The following RGS22 variants were observed in gnomAD, a reference collection of about 807,000 sequenced individuals.
RGS22 encodes regulator of G protein signaling 22.
RGS22 carries 148 observed loss-of-function variants against 172.9 expected under a neutral mutation model. The observed-to-expected ratio is 0.86, with a 90% confidence interval of 0.75 to 0.98. RGS22 has a LOEUF of 0.98. Among genes scored for constraint, RGS22 ranks in the 50% least tolerant of loss-of-function variants. The pLI is 0.00. For synonymous variants in RGS22, 458 were observed against 480.2 expected (o/e 0.95, Z 0.60); for missense variants, 1,347 against 1,440.8 (o/e 0.93, Z 1.05).
chr8:99,997,264 G>T (rs1814495857), intron 19 of RGS22, among the ~76,000 whole-genome samples: 2 of 152,064 alleles, frequency 1.3e-5, no homozygotes, highest in Non-Finnish European at 2.9e-5. Context: ...TATTTTGCTG[G>T]CCACCTAAAG....
chr8:100,004,288 T>G, intron 16 of RGS22, 190 bp from the exon 17 acceptor site: 2 of 309,866 alleles, frequency 6.5e-6, no homozygotes, highest in Non-Finnish European at 9.4e-6. Flanking sequence ...AATTCTGTTC[T>G]GTTTATTTTC....
Position 99,996,338 on chromosome 8 carries a change from C to T in RGS22, c.3018+124G>A, listed in dbSNP as rs567577900. ...TCATCAATTAAAAACAGTATCAGTG[C>T]TCAGTTGTCAGTTTAGAAAACAGTG... On this transcript the variant is annotated intron_variant, in intron 20 of 27. Coordinates refer to ENST00000360863, the MANE Select transcript of RGS22 (RefSeq NM_015668.5). 2.1e-4 allele frequency: 151 copies of T among 723,522 alleles called. No individual in the cohort carries two copies. The African/African-American group carries it at 2.3e-3, about 11-fold the overall frequency. 44.8% of individuals were successfully genotyped at this position (723,522 alleles called of 1,614,324 possible). A position where few individuals can be genotyped will look rare whatever the true frequency, so the allele number is the denominator to read the frequency against.
chr8:100,010,551 A>G (rs898498474), intron 14 of RGS22, among the ~76,000 whole-genome samples: 1 of 152,246 alleles, frequency 6.6e-6, no homozygotes. Context: ...CTCCCCCAAC[A>G]ATCACAATTT....
chr8:100,035,796 A>G (rs540950395), intron 14 of RGS22, among the ~76,000 whole-genome samples: 58 of 152,362 alleles, frequency 3.8e-4, no homozygotes, highest in Non-Finnish European at 5.3e-4. Flanking sequence ...GGATGAGTTC[A>G]TGTCCTTTGC....
intron 6 of RGS22, among the ~76,000 whole-genome samples, chr8:100,069,315 A>G (rs2131831222): frequency 6.6e-6 from 1 of 152,304 alleles, no homozygotes; most frequent in East Asian, 1.9e-4. Context: ...ATTGATTAAC[A>G]ATATCTGTCA....
intron 2 of RGS22, among the ~76,000 whole-genome samples, chr8:100,095,386 G>A (rs1309020642): frequency 6.6e-6 from 1 of 152,028 alleles, no homozygotes; most frequent in Non-Finnish European, 1.5e-5. Flanking sequence ...GTTTCACCAT[G>A]TTGCCCAGGC....
At chr8:100,038,904 A>G in intron 14 of RGS22, 27 bp downstream of exon 14, 1 of 1,454,752 alleles carries the variant, frequency 6.9e-7, no homozygotes. Flanking sequence ...AGTGCTTCAC[A>G]TTGAACCAAT....
At chr8:100,045,575 TA>T in intron 11 of RGS22, among the ~76,000 whole-genome samples, 1 of 151,968 alleles carries the variant, frequency 6.6e-6, no homozygotes, top group Non-Finnish European at 1.5e-5. Flanking sequence ...AAGGAATGGT[TA>T]AAAAAAGGCA....
chr8:100,063,547 A>C lies in RGS22; in HGVS notation c.1221T>G (p.Tyr407Ter), dbSNP rs373041410. ...RADWCISHRT[Y>*]DIGNRKEFER... Reference sequence around the variant, plus strand: ...CAAACTCCTTTCTATTGCCAATGTCATAAGTCCTATGAGAAATACACCAGT... The same window carrying C: ...CAAACTCCTTTCTATTGCCAATGTCCTAAGTCCTATGAGAAATACACCAGT... The change falls in exon 8 of 28, where the codon TAT (tyrosine) becomes TAG (stop). Residue 407 changes from tyrosine (Y) to a stop codon, truncating the protein, a stop_gained. Coordinates refer to ENST00000360863, the MANE Select transcript of RGS22 (RefSeq NM_015668.5). LOFTEE classifies it high-confidence loss of function. 6.2e-7 allele frequency: 1 copy of C among 1,614,060 alleles called. No homozygotes were observed. The highest frequency in any genetic ancestry group is 8.5e-7 in the Non-Finnish European group (1 of 1,179,992).
rs1459420744 is a variant in RGS22, at chr8:100,051,514, TATA to T, written c.1689+1285_1689+1287del. Among the ~76,000 whole-genome samples the T allele has an allele frequency of 1.1e-4, 12 of 108,568 alleles. 1 individual carries two copies. Among genetic ancestry groups the T allele is most frequent in the African/African-American group, 4.5e-4 (12 of 26,590 alleles). 71.2% of individuals were successfully genotyped at this position (108,568 alleles called of 152,430 possible). A position where few individuals can be genotyped will look rare whatever the true frequency, so the allele number is the denominator to read the frequency against. ...ATAATATATAATAAATATATATAAA[TATA>T]TTTTTATATATTTATACATATATAT... On this transcript the variant is annotated intron_variant, in intron 10 of 27. Transcript: ENST00000360863.
intron 20 of RGS22, among the ~76,000 whole-genome samples, chr8:99,994,901 C>T (rs1814186079): frequency 6.6e-6 from 1 of 152,200 alleles, no homozygotes; most frequent in Non-Finnish European, 1.5e-5. Flanking sequence ...CAGCATGGTA[C>T]TGGTACCAAA....
chr8:99,966,599 C>T (rs1035807410), intron 23 of RGS22, among the ~76,000 whole-genome samples: 44 of 152,042 alleles, frequency 2.9e-4, no homozygotes, highest in African/African-American at 1.1e-3. Context: ...AGAAGAGACA[C>T]AACAGAAACT....
chr8:100,075,765 T>C (rs1047347503), intron 4 of RGS22, among the ~76,000 whole-genome samples: 2 of 152,246 alleles, frequency 1.3e-5, no homozygotes, highest in African/African-American at 4.8e-5. Context: ...TCTGGGTAAT[T>C]TGATAACTCT....
intron 14 of RGS22, among the ~76,000 whole-genome samples, chr8:100,035,721 A>G (rs572462543): frequency 1.4e-3 from 211 of 152,340 alleles, no homozygotes; most frequent in African/African-American, 5.0e-3. Context: ...ATGTCCATCA[A>G]TGATAGACTG....
intron 12 of RGS22, among the ~76,000 whole-genome samples, chr8:100,041,109 G>A (rs1341082948): frequency 3.3e-5 from 5 of 152,108 alleles, no homozygotes; most frequent in African/African-American, 7.2e-5. Flanking sequence ...TAATCCTTAG[G>A]GAATATGAAG....
At chr8:100,058,526 G>A (rs112942054) in intron 9 of RGS22, among the ~76,000 whole-genome samples, 100 of 152,190 alleles carry the variant, frequency 6.6e-4, no homozygotes, top group African/African-American at 2.2e-3. Flanking sequence ...AACATTATAG[G>A]CCACGAGAGA....
intron 16 of RGS22, 79 bp from the exon 17 acceptor site, chr8:100,004,177 A>C (rs1473753663): frequency 7.0e-7 from 1 of 1,437,532 alleles, no homozygotes; most frequent in Non-Finnish European, 9.1e-7. Context: ...AAACTGAAAG[A>C]AAAATCAACC....
chr8:100,011,942 G>T (rs1563613880), intron 14 of RGS22, among the ~76,000 whole-genome samples: 1 of 152,074 alleles, frequency 6.6e-6, no homozygotes, highest in East Asian at 1.9e-4. Flanking sequence ...AAAATAAAAT[G>T]ATAATAACGA....
chr8:100,043,794 C>T (rs981042841), intron 11 of RGS22, among the ~76,000 whole-genome samples: 6 of 150,492 alleles, frequency 4.0e-5, no homozygotes, highest in Admixed American at 4.0e-4. Context: ...AAAAACAAAA[C>T]AAAACAAAAA....
Sources: allele counts gnomAD v4.1 joint callset (sites outside exome capture counted in the v4.1 genomes callset), GRCh38; gene constraint gnomAD v4.1.1; transcripts MANE v1.5; gene names NCBI Gene and HGNC (gene_info 2026-07-23, HGNC 2026-07-21).